BCAS3: variants seen among roughly 807,000 people sequenced by gnomAD.
BCAS3 encodes BCAS3 microtubule associated cell migration factor.
Under a neutral mutation model 116.1 loss-of-function variants are expected in BCAS3, and 53 were observed. The observed-to-expected ratio is 0.46, with a 90% CI of 0.37 to 0.57. The LOEUF (loss-of-function observed/expected upper bound fraction) is 0.57, where lower values mean the gene tolerates loss of function less well. Among genes scored for constraint, BCAS3 ranks in the 20% least tolerant of loss-of-function variants. BCAS3 has a pLI of 0.00. For synonymous variants in BCAS3, 391 were observed against 408.2 expected (o/e 0.96, Z 0.51); for missense variants, 917 against 1,165.4 (o/e 0.79, Z 3.10).
chr17:60,800,082 G>A (rs1347207829), intron 6 of BCAS3, among the ~76,000 whole-genome samples: 1 of 151,954 alleles, frequency 6.6e-6, no homozygotes, highest in Non-Finnish European at 1.5e-5. Flanking sequence ...TTATTTTTCT[G>A]GGATAAATGC....
Position 61,329,343 on chromosome 17 carries a change from AT to A in BCAS3, c.2426-38969del, listed in dbSNP as rs35909318. Among the ~76,000 whole-genome samples, 533 of 131,278 alleles carry A rather than the reference AT, an allele frequency of 4.1e-3. 2 individuals are homozygous for A. Among genetic ancestry groups the A allele is most frequent in the African/African-American group, 0.014 (475 of 34,028 alleles). 86.1% of individuals were successfully genotyped at this position (131,278 alleles called of 152,430 possible). Reference sequence around the variant, plus strand: ...AGGCCATGTTATTATTATTATTATTATTTTTTTTTTTTTTTGAGACGGAGTC... The same window carrying A: ...AGGCCATGTTATTATTATTATTATTATTTTTTTTTTTTTTGAGACGGAGTC... On this transcript the variant is annotated intron_variant, in intron 22 of 23. Transcript: ENST00000407086.
intron 7 of BCAS3, among the ~76,000 whole-genome samples, chr17:60,862,347 C>T (rs1021756855): frequency 6.6e-6 from 1 of 152,060 alleles, no homozygotes; most frequent in Non-Finnish European, 1.5e-5. Context: ...GGGAATCTCT[C>T]ATGCTCGACT....
At chr17:61,135,014 T>C (rs1480101031) in intron 22 of BCAS3, among the ~76,000 whole-genome samples, 1 of 152,088 alleles carries the variant, frequency 6.6e-6, no homozygotes, top group Non-Finnish European at 1.5e-5. Context: ...ACATATGAGG[T>C]TTCCAGTAGT....
At chr17:60,792,050 G>A (rs986696897) in intron 6 of BCAS3, among the ~76,000 whole-genome samples, 5 of 152,200 alleles carry the variant, frequency 3.3e-5, no homozygotes, top group African/African-American at 1.2e-4. Flanking sequence ...TTGAACCCGG[G>A]AGGTGGAGGT....
chr17:61,313,212 G>C lies in BCAS3; in HGVS notation c.2426-55115G>C, dbSNP rs1472097796. On this transcript the variant is annotated intron_variant, in intron 22 of 23. Coordinates refer to ENST00000407086, the MANE Select transcript of BCAS3 (RefSeq NM_017679.5). This position sits in a 1 kb window ranked among gnomAD's most constrained non-coding sequence, Gnocchi z 4.3. ...AGCGAATGCTGTTATTTTGCTCTAA[G>C]AGGAAACTAAGGTTCAAAGAACCAA... Among the ~76,000 whole-genome samples the C allele has an allele frequency of 6.6e-6, 1 of 152,214 alleles. No homozygotes were observed.
intron 7 of BCAS3, among the ~76,000 whole-genome samples, chr17:60,863,591 A>G (rs2054337902): frequency 6.6e-6 from 1 of 152,104 alleles, no homozygotes; most frequent in African/African-American, 2.4e-5. Flanking sequence ...AAAAAATAAA[A>G]TAAAATAAAA....
At chr17:60,998,407 C>G (rs530543709) in intron 15 of BCAS3, among the ~76,000 whole-genome samples, 6 of 152,240 alleles carry the variant, frequency 3.9e-5, no homozygotes, top group Non-Finnish European at 7.4e-5. Flanking sequence ...ATTTTTAGTT[C>G]TTTATGGAAT....
chr17:60,724,377 C>T (rs990820606), intron 5 of BCAS3, among the ~76,000 whole-genome samples: 1 of 142,220 alleles, frequency 7.0e-6, no homozygotes, highest in Non-Finnish European at 1.5e-5. Flanking sequence ...GAGCTGAGAT[C>T]GCGCCACTGC....
At position 61,251,582 on chromosome 17, in the gene BCAS3, A is replaced by G. The variant is rs1055657961; in HGVS notation, c.2426-116745A>G. 6.6e-6 allele frequency among the ~76,000 whole-genome samples: 1 copy of G among 152,060 alleles called. No individual in the cohort carries two copies. Among genetic ancestry groups the G allele is most frequent in the African/African-American group, 2.4e-5 (1 of 41,404 alleles). ...CGAAACTCCACCTCAAAAAAAAAAAAAAGAAAAGAAAGACTGGATCCTGGT... is the reference window on the plus strand; with the variant it reads ...CGAAACTCCACCTCAAAAAAAAAAAGAAGAAAAGAAAGACTGGATCCTGGT... On this transcript the variant is annotated intron_variant, in intron 22 of 23. Transcript: ENST00000407086. This position sits in a 1 kb window ranked among gnomAD's most constrained non-coding sequence, Gnocchi z 4.7.
intron 13 of BCAS3, among the ~76,000 whole-genome samples, chr17:60,935,826 G>T (rs1228275881): frequency 1.3e-5 from 2 of 150,472 alleles, no homozygotes; most frequent in African/African-American, 2.4e-5. Context: ...ATGGTTCTTT[G>T]AGCACCCATT....
In BCAS3 at chr17:61,323,827, C is replaced by G. The variant is rs115429101; in HGVS notation, c.2426-44500C>G. Among the ~76,000 whole-genome samples the G allele has an allele frequency of 1.3e-5, 2 of 152,230 alleles. No homozygotes were observed. The highest frequency in any genetic ancestry group is 2.4e-5 in the African/African-American group (1 of 41,464). On this transcript the variant is annotated intron_variant, in intron 22 of 23. Coordinates refer to ENST00000407086, the MANE Select transcript of BCAS3 (RefSeq NM_017679.5). This position sits in a 1 kb window ranked among gnomAD's most constrained non-coding sequence, Gnocchi z 4.6. ...TAAGTGATCCAGCAGAAGCAGGCAG[C>G]CCTGGCTTATCCATGGCCCCCTGGC...
chr17:61,386,796 GTTTTTTT>G (rs57275173), intron 23 of BCAS3, among the ~76,000 whole-genome samples: 124 of 113,830 alleles, frequency 1.1e-3, no homozygotes, highest in African/African-American at 3.3e-3. Flanking sequence ...TTTGTTTTTT[GTTTTTTT>G]TTTTTTTTTT....
chr17:61,038,403 C>T (rs1420951273), intron 18 of BCAS3, among the ~76,000 whole-genome samples: 1 of 151,494 alleles, frequency 6.6e-6, no homozygotes, highest in Non-Finnish European at 1.5e-5. Flanking sequence ...CAGGCACACG[C>T]CACCACACCT....
At chr17:60,898,809 T>C (rs942636263) in intron 10 of BCAS3, among the ~76,000 whole-genome samples, 1 of 152,036 alleles carries the variant, frequency 6.6e-6, no homozygotes, top group Admixed American at 6.5e-5. Context: ...TTATTTTTGT[T>C]CCTAGTGGCG....
chr17:60,696,257 AGAGG>A (rs1358196105), intron 4 of BCAS3: 1 of 152,272 alleles, frequency 6.6e-6, no homozygotes, highest in Non-Finnish European at 1.5e-5. Context: ...TTACCAGAAT[AGAGG>A]GAGTTACAGA....
At chr17:61,275,809 A>C (rs2050716567) in intron 22 of BCAS3, among the ~76,000 whole-genome samples, 1 of 152,150 alleles carries the variant, frequency 6.6e-6, no homozygotes, top group Non-Finnish European at 1.5e-5. Context: ...CCTACATTTA[A>C]CCTTCAGAGC....
chr17:60,774,012 CT>C (rs1314105291), intron 6 of BCAS3, among the ~76,000 whole-genome samples: 1 of 152,144 alleles, frequency 6.6e-6, no homozygotes, highest in East Asian at 1.9e-4. Context: ...TTGGAAATAT[CT>C]TCTACCTATG....
At chr17:61,317,640 A>G (rs2054858730) in intron 22 of BCAS3, among the ~76,000 whole-genome samples, 1 of 152,238 alleles carries the variant, frequency 6.6e-6, no homozygotes. Context: ...TGAGGCCTCA[A>G]TAGCACCTTG....
At chr17:61,066,321 A>G (rs978527460) in intron 19 of BCAS3, among the ~76,000 whole-genome samples, 1 of 152,246 alleles carries the variant, frequency 6.6e-6, no homozygotes, top group African/African-American at 2.4e-5. Context: ...TTCCTTCATT[A>G]CTTTCATAAA....
Sources: allele counts gnomAD v4.1 joint callset (sites outside exome capture counted in the v4.1 genomes callset), GRCh38; gene constraint gnomAD v4.1.1; non-coding constraint Gnocchi (gnomAD v3.1); transcripts MANE v1.5; gene names NCBI Gene and HGNC (gene_info 2026-07-23, HGNC 2026-07-21).